The following JUP variants were observed in gnomAD, a reference collection of about 807,000 sequenced individuals.
The protein encoded by JUP is junction plakoglobin, also known as catenin (cadherin-associated protein), gamma 80kDa.
A neutral mutation model predicts 71.1 loss-of-function variants in JUP; 28 were observed. The ratio of observed to expected loss-of-function variants is 0.39; its 90% CI spans 0.29 to 0.54. The LOEUF (loss-of-function observed/expected upper bound fraction) is 0.54. Ranked by LOEUF, JUP falls within the 20% of genes least tolerant of loss-of-function variation. The pLI is 0.62. For missense variants in JUP, 869 were observed against 1,030.1 expected, an observed-to-expected ratio of 0.84 and a Z score of 2.14; for synonymous variants, 401 against 438.9, an observed-to-expected ratio of 0.91 and a Z score of 1.08.
In JUP at chr17:41,758,749, C is replaced by T. The variant is rs376881608; in HGVS notation, c.1619G>A (p.Arg540His). The T allele has an allele frequency of 2.4e-5, 38 of 1,606,404 alleles. No homozygotes were observed. The Admixed American group carries it at 4.8e-4, about 20-fold the overall frequency. ...CTGCTGTGTGCCTGCAGCTACGTGG[C>T]GCTGGGCATCCTGGTGGGCCTTCAC... ...LLVKAHQDAQRHVAAGTQQPY... is the reference protein window; with the variant it reads ...LLVKAHQDAQHHVAAGTQQPY... The change falls in exon 9 of 14, where the codon CGC (arginine) becomes CAC (histidine). Residue 540 changes from arginine (R) to histidine (H), a missense_variant. Coordinates refer to ENST00000393931, the MANE Select transcript of JUP (RefSeq NM_002230.4).
At chr17:41,762,897 C>A in intron 8 of JUP, 86 bp downstream of exon 8, 1 of 1,124,476 alleles carries the variant, frequency 8.9e-7, no homozygotes, top group Non-Finnish European at 1.3e-6. Context: ...GTATTTAGGG[C>A]TTCTTTGCTA....
In JUP at chr17:41,769,408, C is replaced by A; in HGVS notation, c.468+10G>T. On this transcript the variant is annotated intron_variant, in intron 3 of 13. Transcript: ENST00000393931. ...GCCCAGCCCCCACCCTAGCAGGGAC[C>A]CTCACAGACCGGGTCCTCGTCGTTG... The A allele has an allele frequency of 6.2e-7, 1 of 1,608,396 alleles. No homozygotes were observed. The highest frequency in any genetic ancestry group is 8.5e-7 in the Non-Finnish European group (1 of 1,178,088).
chr17:41,755,066 C>A lies in JUP; in HGVS notation c.*678G>T. On this transcript the variant is annotated 3_prime_UTR_variant, in exon 14 of 14. Transcript: ENST00000393931. ...CCCTGGAGGCCCTGGGGGCTTAGGG[C>A]AGTTGGTCGGTGGAGTTCAGTGAGA... 2 of 385,430 alleles carry A rather than the reference C, an allele frequency of 5.2e-6. No homozygotes were observed. The highest frequency in any genetic ancestry group is 9.2e-6 in the Non-Finnish European group (2 of 218,032). The allele number at this position is 385,430 out of a possible 1,614,324, so 23.9% of individuals were successfully genotyped here.
At position 41,755,511 on chromosome 17, in the gene JUP, A is replaced by G. The variant is rs1322531353; in HGVS notation, c.*233T>C. On this transcript the variant is annotated 3_prime_UTR_variant, in exon 14 of 14. Coordinates refer to ENST00000393931, the MANE Select transcript of JUP (RefSeq NM_002230.4). ...CCAGAAGCTCAAGCCACTCCGTGTC[A>G]CCTGCCCACCACCCCCAGAAGGGGC... The G allele has an allele frequency of 1.1e-4, 50 of 453,820 alleles. No individual in the cohort carries two copies. The highest frequency in any genetic ancestry group is 1.0e-4 in the Non-Finnish European group (27 of 259,302). 28.1% of individuals were successfully genotyped at this position (453,820 alleles called of 1,614,324 possible).
chr17:41,757,856 A>G, intron 10 of JUP, 72 bp from the exon 11 acceptor site: 1 of 1,296,170 alleles, frequency 7.7e-7, no homozygotes, highest in Non-Finnish European at 1.1e-6. Flanking sequence ...CACACCCCAC[A>G]GCACTGCCCA....
chr17:41,758,865 G>A lies in JUP; in HGVS notation c.1503C>T (p.Thr501=), dbSNP rs1298380226. Residue 501 remains threonine, a synonymous_variant, in exon 9 of 14, where the codon ACC becomes ACT. Coordinates refer to ENST00000393931, the MANE Select transcript of JUP (RefSeq NM_002230.4). ...QPNQWPLVKA[T]IGLIRNLALC... is the part of the protein sequence containing the mutation. ...GGGCCAGATTCCTGATCAAGCCGAT[G>A]GTTGCCTGGCAAAAAAAGGGGCAGT... The A allele has an allele frequency of 1.2e-6, 2 of 1,606,514 alleles. No individual in the cohort carries two copies. The highest frequency in any genetic ancestry group is 2.2e-5 in the East Asian group (1 of 44,664).
chr17:41,774,148 C>A (rs114022444), intron 1 of JUP, among the ~76,000 whole-genome samples: 99 of 152,092 alleles, frequency 6.5e-4, no homozygotes, highest in African/African-American at 2.3e-3. Context: ...CCCCTCACCA[C>A]CCCCACCAGC....
chr17:41,780,007 A>C (rs1319545182), intron 1 of JUP, among the ~76,000 whole-genome samples: 2 of 151,976 alleles, frequency 1.3e-5, no homozygotes, highest in East Asian at 1.9e-4. Flanking sequence ...GAAGAGGAGG[A>C]GTCTCCCCTA....
At chr17:41,775,575 C>CGAGA (rs1221402353) in intron 1 of JUP, among the ~76,000 whole-genome samples, 1 of 152,192 alleles carries the variant, frequency 6.6e-6, no homozygotes, top group African/African-American at 2.4e-5. Flanking sequence ...AGGGTGGAAG[C>CGAGA]GAGAGAGACA....
At chr17:41,780,523 C>T (rs190816130) in intron 1 of JUP, among the ~76,000 whole-genome samples, 1 of 148,404 alleles carries the variant, frequency 6.7e-6, no homozygotes, top group African/African-American at 2.5e-5. Flanking sequence ...GTGACACCCC[C>T]ATCTCTACTA....
intron 1 of JUP, among the ~76,000 whole-genome samples, chr17:41,781,602 T>C (rs1298968175): frequency 6.6e-6 from 1 of 152,232 alleles, no homozygotes; most frequent in Admixed American, 6.5e-5. Flanking sequence ...CCAGCCACAC[T>C]GCTTGCTTTT....
intron 3 of JUP, 32 bp downstream of exon 3, chr17:41,769,386 C>T: frequency 1.3e-6 from 2 of 1,597,022 alleles, no homozygotes; most frequent in Non-Finnish European, 1.7e-6. Context: ...CCTCCCTGCC[C>T]AGCCCCCACC....
At position 41,769,183 on chromosome 17, in the gene JUP, T is replaced by C. The variant is rs782461741; in HGVS notation, c.493A>G (p.Ile165Val). 7 of 1,601,682 alleles carry C rather than the reference T, an allele frequency of 4.4e-6. No individual in the cohort carries two copies. The Admixed American group carries it at 6.7e-5, about 15-fold the overall frequency. Residue 165 changes from isoleucine to valine, a missense_variant, in exon 4 of 14, where the codon ATT becomes GTT. Physicochemically the swap from Ile to Val is conservative, Grantham distance 29. Coordinates refer to ENST00000393931, the MANE Select transcript of JUP (RefSeq NM_002230.4). Reference sequence around the variant, plus strand: ...TCCTTCTTCGACAGCTGGTTCACAATCATGGCCGCCTTGGTCACCACCACC... The same window carrying C: ...TCCTTCTTCGACAGCTGGTTCACAACCATGGCCGCCTTGGTCACCACCACC... ...DPVVVTKAAMIVNQLSKKEAS... is the reference protein window; with the variant it reads ...DPVVVTKAAMVVNQLSKKEAS...
At chr17:41,762,250 T>C (rs1915021608) in intron 8 of JUP, among the ~76,000 whole-genome samples, 2 of 150,922 alleles carry the variant, frequency 1.3e-5, no homozygotes, top group Non-Finnish European at 3.0e-5. Context: ...TTTCCAAATT[T>C]TTTGTAAGAG....
chr17:41,785,336 G>A (rs1214433800), intron 1 of JUP, among the ~76,000 whole-genome samples: 1 of 152,114 alleles, frequency 6.6e-6, no homozygotes, highest in African/African-American at 2.4e-5. Flanking sequence ...CCCATTCCTG[G>A]GGAGGGGGCA....
intron 1 of JUP, among the ~76,000 whole-genome samples, chr17:41,777,945 C>A (rs1266647698): frequency 2.0e-5 from 3 of 152,212 alleles, no homozygotes; most frequent in African/African-American, 7.2e-5. Context: ...GCAGATGACC[C>A]CAAACCGGGA....
In JUP at chr17:41,758,483, G is replaced by T. The variant is rs1555599516; in HGVS notation, c.1689C>A (p.Cys563Ter). 6.2e-7 allele frequency: 1 copy of T among 1,613,900 alleles called. No homozygotes were observed. The highest frequency in any genetic ancestry group is 8.5e-7 in the Non-Finnish European group (1 of 1,179,852). The change falls in exon 10 of 14, where the codon TGC (cysteine) becomes TGA (stop). Residue 563 changes from cysteine (C) to a stop codon, truncating the protein, a stop_gained. Transcript: ENST00000393931. LOFTEE classifies it high-confidence loss of function. Reference protein sequence around the residue: ...GVRMEEIVEGCTGALHILARD... With the variant: ...GVRMEEIVEG ...GGGCGAGGATGTGCAGTGCTCCGGT[G>T]CAGCCCTCCACAATCTCCTCCATCC...
Position 41,758,755 on chromosome 17 carries a change from G to C in JUP, c.1613C>G (p.Ala538Gly). ...TGTGCCTGCAGCTACGTGGCGCTGG[G>C]CATCCTGGTGGGCCTTCACCAGCAG... ...VQLLVKAHQD[A>G]QRHVAAGTQQ... The change falls in exon 9 of 14, where the codon GCC becomes GGC. Residue 538 changes from alanine (A) to glycine (G), a missense_variant. By Grantham distance (60) the Ala-to-Gly change is moderately conservative (BLOSUM62 0). Coordinates refer to ENST00000393931, the MANE Select transcript of JUP (RefSeq NM_002230.4). The C allele has an allele frequency of 6.2e-7, 1 of 1,607,840 alleles. No homozygotes were observed. Among genetic ancestry groups the C allele is most frequent in the Non-Finnish European group, 8.5e-7 (1 of 1,177,266 alleles).
intron 2 of JUP, among the ~76,000 whole-genome samples, chr17:41,770,156 A>C (rs1555606269): frequency 6.6e-6 from 1 of 151,800 alleles, no homozygotes; most frequent in Non-Finnish European, 1.5e-5. Flanking sequence ...GTCTAATTAC[A>C]CCCTCATCAT....
Sources: allele counts gnomAD v4.1 joint callset (sites outside exome capture counted in the v4.1 genomes callset), GRCh38; gene constraint gnomAD v4.1.1; transcripts MANE v1.5; gene names NCBI Gene and HGNC (gene_info 2026-07-23, HGNC 2026-07-21).